TEX264: variants seen among roughly 807,000 people sequenced by gnomAD.
TEX264 encodes the protein testis-expressed protein 264.
Under a neutral mutation model 23.4 loss-of-function variants are expected in TEX264, and 13 were observed. That is an observed-to-expected ratio of 0.56 (90% CI 0.36 to 0.88). The LOEUF (loss-of-function observed/expected upper bound fraction) is 0.88, where lower values mean the gene tolerates loss of function less well. Among genes scored for constraint, TEX264 ranks in the 40% least tolerant of loss-of-function variants. The pLI is 0.01. For synonymous variants in TEX264, 159 were observed against 170.0 expected (o/e 0.94, Z 0.50); for missense variants, 340 against 406.8 (o/e 0.84, Z 1.41).
intron 3 of TEX264, among the ~76,000 whole-genome samples, chr3:51,696,466 G>A (rs1265487432): frequency 6.6e-6 from 1 of 152,192 alleles, no homozygotes; most frequent in Non-Finnish European, 1.5e-5. Flanking sequence ...GGCTCCTACT[G>A]TGCAGCAAGG....
At position 51,690,707 on chromosome 3, in the gene TEX264, C is replaced by T. The variant is rs1197355470; in HGVS notation, c.480+6073C>T. On this transcript the variant is annotated intron_variant, in intron 3 of 4. Coordinates refer to ENST00000341333, the MANE Select transcript of TEX264 (RefSeq NM_015926.6). ...AACAAGGGAGGCCCTCTTGGCATCT[C>T]AGCTCAGTCACTTATTCAGCAGTTA... Among the ~76,000 whole-genome samples, 5 of 152,176 alleles carry T rather than the reference C, an allele frequency of 3.3e-5. No individual in the cohort carries two copies. In the East Asian group the frequency reaches 7.7e-4, roughly 23 times the overall value.
intron 2 of TEX264, among the ~76,000 whole-genome samples, 176 bp downstream of exon 2, chr3:51,674,738 G>A (rs1471661622): frequency 2.0e-5 from 3 of 152,162 alleles, no homozygotes; most frequent in Non-Finnish European, 4.4e-5. Context: ...TTCTGCTCCC[G>A]GCATCCATTT....
At chr3:51,687,298 G>A (rs771269064) in intron 3 of TEX264, among the ~76,000 whole-genome samples, 10 of 152,234 alleles carry the variant, frequency 6.6e-5, no homozygotes, top group Non-Finnish European at 1.3e-4. Flanking sequence ...CTGACCTTGC[G>A]TCTTGGGGAA....
At chr3:51,676,341 A>G (rs1702227618) in intron 2 of TEX264, among the ~76,000 whole-genome samples, 1 of 152,206 alleles carries the variant, frequency 6.6e-6, no homozygotes, top group Non-Finnish European at 1.5e-5. Flanking sequence ...CTAAGGCAGC[A>G]GGGTACCCTG....
Position 51,691,125 on chromosome 3 carries a change from C to T in TEX264, c.480+6491C>T, listed in dbSNP as rs529351650. 1.3e-5 allele frequency among the ~76,000 whole-genome samples: 2 copies of T among 152,176 alleles called. No homozygotes were observed. The highest frequency in any genetic ancestry group is 2.4e-5 in the African/African-American group (1 of 41,438). On this transcript the variant is annotated intron_variant, in intron 3 of 4. Transcript: ENST00000341333. This position sits in a 1 kb window ranked among gnomAD's most constrained non-coding sequence, Gnocchi z 4.4. ...AGGTCTAGGAGACTGCTGGGGGAGC[C>T]GAGGCAAAGCACAGGAAGAGGCTGT...
chr3:51,686,184 C>T lies in TEX264; in HGVS notation c.480+1550C>T, dbSNP rs1389898527. ...ATATTTGGGGACATCAGCCTGTTGG[C>T]AGTATTTGACCTGGGAGGCTGCCCT... On this transcript the variant is annotated intron_variant, in intron 3 of 4. Coordinates refer to ENST00000341333, the MANE Select transcript of TEX264 (RefSeq NM_015926.6). The surrounding 1 kb of genome is among the most constrained non-coding windows in gnomAD (Gnocchi z 4.1). Among the ~76,000 whole-genome samples the T allele has an allele frequency of 1.3e-5, 2 of 152,118 alleles. No homozygotes were observed. Among genetic ancestry groups the T allele is most frequent in the African/African-American group, 4.8e-5 (2 of 41,392 alleles).
chr3:51,675,434 G>A (rs371113266), intron 2 of TEX264, among the ~76,000 whole-genome samples: 1 of 152,184 alleles, frequency 6.6e-6, no homozygotes, highest in African/African-American at 2.4e-5. Flanking sequence ...CACAAGTCCT[G>A]CAGTCTACCC....
rs1214846859 is a variant in TEX264 at position 51,691,363 on chromosome 3, A to C, written c.480+6729A>C. On this transcript the variant is annotated intron_variant, in intron 3 of 4. Coordinates refer to ENST00000341333, the MANE Select transcript of TEX264 (RefSeq NM_015926.6). The surrounding 1 kb of genome is among the most constrained non-coding windows in gnomAD (Gnocchi z 4.4). ...CTAAGTGGCCTGCTCTGGCACAGGG[A>C]GGAGGGCACTTTTGGCAGCATCAGG... Among the ~76,000 whole-genome samples, 2 of 152,136 alleles carry C rather than the reference A, an allele frequency of 1.3e-5. No individual in the cohort carries two copies. Among genetic ancestry groups the C allele is most frequent in the African/African-American group, 4.8e-5 (2 of 41,428 alleles).
At chr3:51,677,231 C>T (rs2106911253) in intron 2 of TEX264, among the ~76,000 whole-genome samples, 1 of 152,332 alleles carries the variant, frequency 6.6e-6, no homozygotes, top group South Asian at 2.1e-4. Context: ...TGAGCACCTG[C>T]TCTGTACCAG....
chr3:51,681,484 C>T (rs1032822106), intron 2 of TEX264: 2 of 152,358 alleles, frequency 1.3e-5, no homozygotes, highest in Non-Finnish European at 2.9e-5. Flanking sequence ...CAACAGAAGG[C>T]TTTGAAGGGG....
chr3:51,675,030 G>C (rs531562591), intron 2 of TEX264, among the ~76,000 whole-genome samples: 1 of 152,318 alleles, frequency 6.6e-6, no homozygotes, highest in South Asian at 2.1e-4. Context: ...GGCTGAGAGG[G>C]CAGTCCCTGG....
At chr3:51,690,179 C>T (rs1702776572) in intron 3 of TEX264, among the ~76,000 whole-genome samples, 1 of 152,200 alleles carries the variant, frequency 6.6e-6, no homozygotes, top group Non-Finnish European at 1.5e-5. Flanking sequence ...GTCGGTGGGT[C>T]TGAGTCCACA....
chr3:51,686,808 CA>C lies in TEX264; in HGVS notation c.480+2176del. Among the ~76,000 whole-genome samples the C allele has an allele frequency of 6.6e-6, 1 of 152,274 alleles. No individual in the cohort carries two copies. The highest frequency in any genetic ancestry group is 1.5e-5 in the Non-Finnish European group (1 of 68,016). On this transcript the variant is annotated intron_variant, in intron 3 of 4. Transcript: ENST00000341333. The surrounding 1 kb of genome is among the most constrained non-coding windows in gnomAD (Gnocchi z 4.1). ...TCTCCAGTCCTGTCGGTGCCATCCT[CA>C]ACCTCATGGGCCCATCTGGAGGGGC...
chr3:51,675,494 G>A (rs1702200240), intron 2 of TEX264, among the ~76,000 whole-genome samples: 1 of 152,182 alleles, frequency 6.6e-6, no homozygotes, highest in Non-Finnish European at 1.5e-5. Context: ...AGGATGTACT[G>A]GTTCCCTCTC....
At chr3:51,692,944 G>A (rs1246672873) in intron 3 of TEX264, among the ~76,000 whole-genome samples, 1 of 152,268 alleles carries the variant, frequency 6.6e-6, no homozygotes, top group Non-Finnish European at 1.5e-5. Context: ...CTGAACCAGG[G>A]TTGTATCTTG....
chr3:51,678,688 A>G (rs888085291), intron 2 of TEX264, among the ~76,000 whole-genome samples: 1 of 152,136 alleles, frequency 6.6e-6, no homozygotes, highest in Non-Finnish European at 1.5e-5. Flanking sequence ...CAGGGCCACT[A>G]GGTCTGCAGG....
At chr3:51,688,321 G>C (rs1352735333) in intron 3 of TEX264, among the ~76,000 whole-genome samples, 2 of 152,250 alleles carry the variant, frequency 1.3e-5, no homozygotes, top group Admixed American at 1.3e-4. Context: ...GTCTTAATGA[G>C]TGTCCAGGGA....
At position 51,676,736 on chromosome 3, in the gene TEX264, C is replaced by G. The variant is rs535392124; in HGVS notation, c.258+2174C>G. Among the ~76,000 whole-genome samples the G allele has an allele frequency of 1.8e-4, 27 of 152,298 alleles. 1 individual carries two copies. The South Asian group carries it at 5.4e-3, about 30-fold the overall frequency. Reference sequence around the variant, plus strand: ...TGAGGCATTTACCCCAGCACTTAGCCCTCAACAGATGCTTAACAACAACAA... The same window carrying G: ...TGAGGCATTTACCCCAGCACTTAGCGCTCAACAGATGCTTAACAACAACAA... On this transcript the variant is annotated intron_variant, in intron 2 of 4. Transcript: ENST00000341333.
chr3:51,678,080 A>G (rs759316182), intron 2 of TEX264, among the ~76,000 whole-genome samples: 68 of 152,294 alleles, frequency 4.5e-4, no homozygotes, highest in Non-Finnish European at 7.8e-4. Context: ...TGTCAGTCAC[A>G]GATCTCCCTT....
Sources: allele counts gnomAD v4.1 joint callset (sites outside exome capture counted in the v4.1 genomes callset), GRCh38; gene constraint gnomAD v4.1.1; non-coding constraint Gnocchi (gnomAD v3.1); transcripts MANE v1.5; gene names NCBI Gene and HGNC (gene_info 2026-07-23, HGNC 2026-07-21).